Variants in JAG1 observed in about 807,000 individuals in gnomAD.
The protein encoded by JAG1 is jagged canonical Notch ligand 1.
A neutral mutation model predicts 148.7 loss-of-function variants in JAG1; 23 were observed. The observed-to-expected ratio is 0.15, with a 90% CI of 0.11 to 0.22. The LOEUF is 0.22. JAG1 is among the 10% of genes least tolerant of loss of function. The probability of loss-of-function intolerance (pLI) is 1.00; values close to 1 mark genes in which losing one functional copy is unlikely to be tolerated. For missense variants in JAG1, 1,054 were observed against 1,611.2 expected (o/e 0.65, Z 5.92); for synonymous variants, 572 against 598.3 (o/e 0.96, Z 0.64).
In JAG1 at chr20:10,652,007, A is replaced by G. The variant is rs145307186; in HGVS notation, c.1006+124T>C. 2.0e-4 allele frequency: 230 copies of G among 1,130,730 alleles called. 2 individuals are homozygous for G. The East Asian group carries it at 5.0e-3, about 24-fold the overall frequency. The allele number at this position is 1,130,730 out of a possible 1,614,324, so 70.0% of individuals were successfully genotyped here. On this transcript the variant is annotated intron_variant, in intron 7 of 25. Coordinates refer to ENST00000254958, the MANE Select transcript of JAG1 (RefSeq NM_000214.3). ...TACAAAGGCTTATAGAATGGTTGGG[A>G]TAAGGCCTATCTTTGGAAGCTATTT...
At position 10,668,157 on chromosome 20, in the gene JAG1, A is replaced by T. The variant is rs1219835604; in HGVS notation, c.388-4143T>A. Among the ~76,000 whole-genome samples the T allele has an allele frequency of 2.0e-5, 3 of 151,218 alleles. No homozygotes were observed. The East Asian group carries it at 5.8e-4, about 29-fold the overall frequency. On this transcript the variant is annotated intron_variant, in intron 2 of 25. Transcript: ENST00000254958. Reference sequence around the variant, plus strand: ...TGCTGTGGTCCATGCGGTAATCAGAAATCAGCAAAGAAGTCACAACACAGC... The same window carrying T: ...TGCTGTGGTCCATGCGGTAATCAGATATCAGCAAAGAAGTCACAACACAGC...
At chr20:10,652,663 A>G (rs1465404939) in intron 5 of JAG1, 65 bp from the exon 6 acceptor site, 92 of 1,575,824 alleles carry the variant, frequency 5.8e-5, no homozygotes, top group Non-Finnish European at 7.7e-5. Context: ...GTACAATTCA[A>G]ATGGAAGACT....
In JAG1 at chr20:10,648,124, G is replaced by A; in HGVS notation, c.1570-14C>T. On this transcript the variant is annotated splice_polypyrimidine_tract_variant and intron_variant, in intron 12 of 25. Transcript: ENST00000254958. ...ATCGATGTCCAGCTGCAAATATCAG[G>A]AACAGCGAAAAGGGGGAGGGATCAG... 1.2e-6 allele frequency: 2 copies of A among 1,614,154 alleles called. No individual in the cohort carries two copies. The highest frequency in any genetic ancestry group is 1.7e-6 in the Non-Finnish European group (2 of 1,180,024).
intron 21 of JAG1, 46 bp downstream of exon 21, chr20:10,642,442 G>T: frequency 8.9e-7 from 1 of 1,127,208 alleles, no homozygotes; most frequent in South Asian, 1.2e-5. Flanking sequence ...TGCAAAGCTC[G>T]CTCACCCCAG....
Position 10,673,960 on chromosome 20 carries a change from G to T in JAG1, c.-430C>A, listed in dbSNP as rs2122646694. ...GGCCGCAGGTAACACAATGACGCGT[G>T]CCCGCCCGGCTCTCGGAGAAGGACC... On this transcript the variant is annotated 5_prime_UTR_variant, in exon 1 of 26. Transcript: ENST00000254958. The surrounding 1 kb of genome is among the most constrained non-coding windows in gnomAD (Gnocchi z 4.7). The T allele has an allele frequency of 6.6e-6, 1 of 152,298 alleles. No individual in the cohort carries two copies. Among genetic ancestry groups the T allele is most frequent in the East Asian group, 1.9e-4 (1 of 5,164 alleles). The allele number at this position is 152,298 out of a possible 1,614,324, so 9.4% of individuals were successfully genotyped here.
intron 2 of JAG1, among the ~76,000 whole-genome samples, chr20:10,671,879 A>G (rs1237207209): frequency 1.3e-5 from 2 of 151,296 alleles, no homozygotes; most frequent in Admixed American, 1.3e-4. Flanking sequence ...TATCACTTAC[A>G]CCCTCAGGCA....
At position 10,641,566 on chromosome 20, in the gene JAG1, C is replaced by A. The variant is rs145895196; in HGVS notation, c.2810G>T (p.Arg937Leu). ...CTTCACCGGCTGGAGACTGGAAGAC[C>A]GACACTCGCCCACACCAGTGCAGGG... The part of the protein sequence containing the change: ...VHPCTGVGEC[R>L]SSSLQPVKTK... Residue 937 changes from arginine (R) to leucine (L), a missense_variant, in exon 23 of 26, where the codon CGG (arginine) becomes CTG (leucine). By Grantham distance (102) the Arg-to-Leu change is moderately radical. Coordinates refer to ENST00000254958, the MANE Select transcript of JAG1 (RefSeq NM_000214.3). The A allele has an allele frequency of 5.0e-6, 8 of 1,614,156 alleles. No individual in the cohort carries two copies. The highest frequency in any genetic ancestry group is 1.7e-5 in the Admixed American group (1 of 60,028).
chr20:10,658,846 A>G (rs921618064), intron 3 of JAG1, 124 bp from the exon 4 acceptor site: 9 of 1,070,488 alleles, frequency 8.4e-6, no homozygotes, highest in Non-Finnish European at 1.2e-5. Context: ...AAAAAAGGCA[A>G]AGAAATGAAA....
At chr20:10,650,655 T>A (rs1034718908) in intron 8 of JAG1, 8 of 382,046 alleles carry the variant, frequency 2.1e-5, no homozygotes, top group Middle Eastern at 7.9e-4. Context: ...TCTATCTGCC[T>A]AATCTTTATT....
At chr20:10,646,565 G>C (rs1205768044) in intron 14 of JAG1, among the ~76,000 whole-genome samples, 3 of 152,008 alleles carry the variant, frequency 2.0e-5, no homozygotes, top group Non-Finnish European at 4.4e-5. Context: ...CACTTTGGGA[G>C]GCCAAGTTGG....
chr20:10,668,013 C>T (rs566496834), intron 2 of JAG1, among the ~76,000 whole-genome samples: 3 of 150,452 alleles, frequency 2.0e-5, no homozygotes, highest in Non-Finnish European at 4.4e-5. Context: ...TTTATGTACT[C>T]CTTTAACTAC....
chr20:10,653,155 GC>G (rs1219026518), intron 5 of JAG1, among the ~76,000 whole-genome samples: 1 of 151,636 alleles, frequency 6.6e-6, no homozygotes. Flanking sequence ...GCCAGAGTAG[GC>G]TCTCTAAACC....
In JAG1 at chr20:10,652,462, C is replaced by T. The variant is rs1477606949; in HGVS notation, c.886+6G>A. ...CCACCCTGGGTCTCATCCCTAAGGG[C>T]CATACCTTTGTCACAGAGCTGGCCG... On this transcript the variant is annotated splice_donor_region_variant and intron_variant, in intron 6 of 25. Transcript: ENST00000254958. The T allele has an allele frequency of 6.2e-7, 1 of 1,613,940 alleles. No homozygotes were observed. The highest frequency in any genetic ancestry group is 8.5e-7 in the Non-Finnish European group (1 of 1,180,004).
intron 3 of JAG1, chr20:10,662,633 A>G (rs950940062): frequency 6.6e-6 from 1 of 152,352 alleles, no homozygotes; most frequent in African/African-American, 2.4e-5. Context: ...ACAGTGACAT[A>G]ATGTTCACAG....
intron 14 of JAG1, among the ~76,000 whole-genome samples, chr20:10,646,550 C>T (rs1047037560): frequency 6.6e-6 from 1 of 152,096 alleles, no homozygotes; most frequent in Non-Finnish European, 1.5e-5. Context: ...CACCTGTAAT[C>T]CCAGCACTTT....
chr20:10,669,925 A>T (rs369443226), intron 2 of JAG1, among the ~76,000 whole-genome samples: 2 of 152,312 alleles, frequency 1.3e-5, no homozygotes, highest in South Asian at 2.1e-4. Flanking sequence ...GGTTCTTATC[A>T]CTTGGTCCCC....
intron 18 of JAG1, 36 bp downstream of exon 18, chr20:10,644,827 C>T (rs1385355407): frequency 1.4e-6 from 2 of 1,465,340 alleles, no homozygotes; most frequent in East Asian, 2.3e-5. Flanking sequence ...TCTGCTCCGA[C>T]AGCCCTGGGA....
At chr20:10,671,332 A>G (rs907923147) in intron 2 of JAG1, among the ~76,000 whole-genome samples, 1 of 152,190 alleles carries the variant, frequency 6.6e-6, no homozygotes, top group African/African-American at 2.4e-5. Flanking sequence ...GGACCTCAAG[A>G]GAGCTTCACA....
At position 10,639,732 on chromosome 20, in the gene JAG1, G is replaced by T; in HGVS notation, c.3423C>A (p.Asn1141Lys). ...TTATTTTAGACATTTTGGAGTTCTT[G>T]TTCTCATAATCCTTGATGGGGACCG... The part of the protein sequence containing the change: ...ANTVPIKDYE[N>K]KNSKMSKIRT... Residue 1141 changes from asparagine to lysine, a missense_variant, in exon 26 of 26, where the codon AAC becomes AAA. Transcript: ENST00000254958. 6.2e-7 allele frequency: 1 copy of T among 1,614,136 alleles called. No individual in the cohort carries two copies. Among genetic ancestry groups the T allele is most frequent in the Non-Finnish European group, 8.5e-7 (1 of 1,180,006 alleles).
Sources: allele counts gnomAD v4.1 joint callset (sites outside exome capture counted in the v4.1 genomes callset), GRCh38; gene constraint gnomAD v4.1.1; non-coding constraint Gnocchi (gnomAD v3.1); transcripts MANE v1.5; gene names NCBI Gene and HGNC (gene_info 2026-07-23, HGNC 2026-07-21).